PLCB4: variants seen among roughly 807,000 people sequenced by gnomAD.
PLCB4 encodes 1-phosphatidylinositol 4,5-bisphosphate phosphodiesterase beta-4.
Under a neutral mutation model 178.8 loss-of-function variants are expected in PLCB4, and 77 were observed. The ratio of observed to expected loss-of-function variants is 0.43; its 90% CI spans 0.36 to 0.52. PLCB4 has a LOEUF of 0.52. PLCB4 is among the 20% of genes least tolerant of loss of function. PLCB4 has a pLI of 0.00. For missense variants in PLCB4, 1,024 were observed against 1,453.4 expected (o/e 0.70, Z 4.80); for synonymous variants, 496 against 490.8 (o/e 1.01, Z -0.14).
intron 19 of PLCB4, among the ~76,000 whole-genome samples, chr20:9,399,004 TA>T (rs1238228741): frequency 1.3e-5 from 2 of 152,152 alleles, no homozygotes; most frequent in African/African-American, 2.4e-5. Context: ...AATACTTTTT[TA>T]AAAAGGAGAA....
intron 2 of PLCB4, among the ~76,000 whole-genome samples, chr20:9,148,954 G>C (rs543658317): frequency 6.6e-6 from 1 of 152,266 alleles, no homozygotes; most frequent in South Asian, 2.1e-4. Flanking sequence ...GTTTGCTTGG[G>C]TTTCTGGAGT....
intron 28 of PLCB4, among the ~76,000 whole-genome samples, chr20:9,434,288 C>T (rs535605813): frequency 3.9e-5 from 6 of 152,180 alleles, no homozygotes; most frequent in Admixed American, 2.0e-4. Context: ...ACCTTCTGGG[C>T]GTAGGATTGG....
intron 17 of PLCB4, among the ~76,000 whole-genome samples, chr20:9,391,796 C>T (rs1453811556): frequency 6.6e-6 from 1 of 152,188 alleles, no homozygotes; most frequent in Non-Finnish European, 1.5e-5. Context: ...GGAATTATCA[C>T]CCCTATCCCA....
chr20:9,417,339 A>G (rs905050824), intron 25 of PLCB4, among the ~76,000 whole-genome samples: 1 of 152,158 alleles, frequency 6.6e-6, no homozygotes, highest in African/African-American at 2.4e-5. Flanking sequence ...GAACATTTTC[A>G]TCGCCTCAAA....
chr20:9,459,733 G>A lies in PLCB4; in HGVS notation c.3171G>A (p.Gln1057=). The A allele has an allele frequency of 5.0e-6, 8 of 1,613,056 alleles. No individual in the cohort carries two copies. Among genetic ancestry groups the A allele is most frequent in the Middle Eastern group, 3.3e-4 (2 of 6,058 alleles). Residue 1057 remains glutamine, a synonymous_variant, in exon 35 of 40, where the codon CAG becomes CAA. Coordinates refer to ENST00000378473, the MANE Select transcript of PLCB4 (RefSeq NM_001377142.1). ...AAATCCGAGACCTGCACCTCAGCCAGCAGTGTGAGCTGCTGAAAAAGCTAC... is the reference window on the plus strand; with the variant it reads ...AAATCCGAGACCTGCACCTCAGCCAACAGTGTGAGCTGCTGAAAAAGCTAC... ...EQEIRDLHLS[Q]QCELLKKLLI... is the part of the protein sequence containing the mutation.
intron 7 of PLCB4, among the ~76,000 whole-genome samples, chr20:9,360,804 G>T (rs1020315864): frequency 1.3e-5 from 2 of 152,140 alleles, no homozygotes; most frequent in Non-Finnish European, 2.9e-5. Context: ...TGCTTGCTGA[G>T]GCTTTCGATG....
chr20:9,169,585 TAATAAATAAATAAATAAATA>T (rs11473517), intron 2 of PLCB4, among the ~76,000 whole-genome samples: 4 of 144,406 alleles, frequency 2.8e-5, no homozygotes, highest in African/African-American at 1.1e-4. Flanking sequence ...CAAGACTGTC[TAATAAATAAATAAATAAATA>T]AATAAATAAA....
chr20:9,298,039 A>C (rs1337309490), intron 3 of PLCB4, among the ~76,000 whole-genome samples: 1 of 152,098 alleles, frequency 6.6e-6, no homozygotes, highest in Non-Finnish European at 1.5e-5. Flanking sequence ...GAGATAAAGG[A>C]AATTGAGAAA....
chr20:9,412,633 G>A (rs1193144142), intron 25 of PLCB4, among the ~76,000 whole-genome samples: 3 of 152,082 alleles, frequency 2.0e-5, no homozygotes, highest in East Asian at 1.9e-4. Context: ...AGCAACAATC[G>A]TGCTAGTTCA....
At chr20:9,464,862 A>T (rs1463705698) in intron 35 of PLCB4, among the ~76,000 whole-genome samples, 1 of 152,192 alleles carries the variant, frequency 6.6e-6, no homozygotes, top group Non-Finnish European at 1.5e-5. Context: ...TACAAAGAGG[A>T]GCTGATACCA....
chr20:9,222,815 G>A (rs762903116), intron 3 of PLCB4, among the ~76,000 whole-genome samples: 7 of 152,126 alleles, frequency 4.6e-5, no homozygotes, highest in Non-Finnish European at 7.4e-5. Context: ...AGAAACTCTG[G>A]TAAAAGGCCT....
At chr20:9,169,585 T>TAATAAATA (rs11473517) in intron 2 of PLCB4, among the ~76,000 whole-genome samples, 2,983 of 144,448 alleles carry the variant, frequency 0.021, 51 homozygotes, top group African/African-American at 0.041. Context: ...CAAGACTGTC[T>TAATAAATA]AATAAATAAA....
chr20:9,191,455 T>C (rs1313105930), intron 2 of PLCB4, among the ~76,000 whole-genome samples: 1 of 149,240 alleles, frequency 6.7e-6, no homozygotes, highest in Non-Finnish European at 1.5e-5. Flanking sequence ...CTGAATCTGC[T>C]GGTAACTTGA....
intron 21 of PLCB4, 73 bp downstream of exon 21, chr20:9,405,421 AGTTGTGGTG>A: frequency 1.2e-6 from 1 of 861,736 alleles, no homozygotes; most frequent in Admixed American, 2.8e-5. Flanking sequence ...GGAAGGAATC[AGTTGTGGTG>A]AAAAAATGAT....
chr20:9,150,390 T>C (rs528580620), intron 2 of PLCB4, among the ~76,000 whole-genome samples: 5 of 152,280 alleles, frequency 3.3e-5, no homozygotes, highest in African/African-American at 1.2e-4. Context: ...CTGGGATAAA[T>C]AGGGTTCCAT....
intron 2 of PLCB4, among the ~76,000 whole-genome samples, chr20:9,211,979 ACAAGGTCTT>A (rs1222000725): frequency 1.3e-5 from 2 of 152,222 alleles, no homozygotes; most frequent in African/African-American, 4.8e-5. Context: ...AAAAACGTCC[ACAAGGTCTT>A]CCCCACTGTA....
chr20:9,374,051 C>T (rs2036472685), intron 12 of PLCB4, among the ~76,000 whole-genome samples: 1 of 152,256 alleles, frequency 6.6e-6, no homozygotes, highest in East Asian at 1.9e-4. Flanking sequence ...AACGTATTAT[C>T]TTAAGAAAAG....
chr20:9,461,734 G>C (rs896626471), intron 35 of PLCB4, among the ~76,000 whole-genome samples: 8 of 152,142 alleles, frequency 5.3e-5, no homozygotes, highest in African/African-American at 1.9e-4. Flanking sequence ...GGCTTGAGTA[G>C]GTAAACAAAG....
Position 9,393,684 on chromosome 20 carries a change from T to C in PLCB4, c.1414+6T>C, listed in dbSNP as rs2038335230. The C allele has an allele frequency of 5.8e-6, 9 of 1,538,840 alleles. No homozygotes were observed. Among genetic ancestry groups the C allele is most frequent in the African/African-American group, 1.4e-5 (1 of 73,488 alleles). ...GAAACCTGAAGTTGAAAAAAGTAAG[T>C]GAAACACACACATTTATAATGGAAG... On this transcript the variant is annotated splice_donor_region_variant and intron_variant, in intron 18 of 39. Transcript: ENST00000378473.
Sources: allele counts gnomAD v4.1 joint callset (sites outside exome capture counted in the v4.1 genomes callset), GRCh38; gene constraint gnomAD v4.1.1; transcripts MANE v1.5; gene names NCBI Gene and HGNC (gene_info 2026-07-23, HGNC 2026-07-21).